Variants in SOBP observed in about 807,000 individuals in gnomAD.
The protein encoded by SOBP is sine oculis-binding protein homolog.
Under a neutral mutation model 53.6 loss-of-function variants are expected in SOBP, and 4 were observed. The observed-to-expected ratio is 0.07, with a 90% confidence interval of 0.04 to 0.17. The LOEUF (loss-of-function observed/expected upper bound fraction) is 0.17. Among genes scored for constraint, SOBP ranks in the 10% least tolerant of loss-of-function variants. SOBP has a pLI of 1.00. For synonymous variants in SOBP, 584 were observed against 522.6 expected (o/e 1.12, Z -1.60); for missense variants, 1,088 against 1,204.7 (o/e 0.90, Z 1.43).
intron 5 of SOBP, among the ~76,000 whole-genome samples, chr6:107,616,300 T>C (rs1786790397): frequency 6.6e-6 from 1 of 152,220 alleles, no homozygotes; most frequent in East Asian, 1.9e-4. Context: ...CCAGCCCTGA[T>C]GGCACCATGC....
At chr6:107,504,878 T>A (rs1782938362) in intron 2 of SOBP, among the ~76,000 whole-genome samples, 1 of 152,236 alleles carries the variant, frequency 6.6e-6, no homozygotes, top group Admixed American at 6.5e-5. Flanking sequence ...AGTCATGAGT[T>A]TGTATTCTAT....
intron 4 of SOBP, among the ~76,000 whole-genome samples, chr6:107,553,163 A>G (rs1453762879): frequency 6.6e-6 from 1 of 151,968 alleles, no homozygotes. Context: ...TGTTTGAATC[A>G]TGGCCTTCTT....
rs377645562 is a variant in SOBP, at chr6:107,656,174, C to T, written c.*4-2033C>T. On this transcript the variant is annotated intron_variant, in intron 6 of 6. Coordinates refer to ENST00000317357, the MANE Select transcript of SOBP (RefSeq NM_018013.4). ...AGTGACCCCGGTGTCTTTGGATCCACTTGTCATCTCTGCAGCTCCTCAATT... is the reference window on the plus strand; with the variant it reads ...AGTGACCCCGGTGTCTTTGGATCCATTTGTCATCTCTGCAGCTCCTCAATT... Among the ~76,000 whole-genome samples, 20 of 152,276 alleles carry T rather than the reference C, an allele frequency of 1.3e-4. No individual in the cohort carries two copies. In the East Asian group the frequency reaches 3.3e-3, roughly 25 times the overall value.
intron 4 of SOBP, among the ~76,000 whole-genome samples, chr6:107,551,602 G>C (rs1380858249): frequency 6.6e-6 from 1 of 151,890 alleles, no homozygotes; most frequent in Non-Finnish European, 1.5e-5. Context: ...AAAATATCTG[G>C]GTTTTAGAAT....
intron 1 of SOBP, among the ~76,000 whole-genome samples, chr6:107,494,953 TAA>T (rs1445601175): frequency 2.0e-5 from 3 of 151,296 alleles, no homozygotes; most frequent in South Asian, 2.1e-4. Context: ...AGCTTGATTT[TAA>T]GAGAGAGAGA....
intron 4 of SOBP, among the ~76,000 whole-genome samples, chr6:107,564,709 C>T (rs1784868676): frequency 6.6e-6 from 1 of 152,218 alleles, no homozygotes; most frequent in East Asian, 1.9e-4. Flanking sequence ...GAGCTCTATG[C>T]TTTCAGGCCG....
At chr6:107,588,615 T>G (rs1449202221) in intron 5 of SOBP, among the ~76,000 whole-genome samples, 1 of 152,218 alleles carries the variant, frequency 6.6e-6, no homozygotes, top group African/African-American at 2.4e-5. Context: ...TTGGGGTAGC[T>G]TACTTCTTTT....
chr6:107,500,714 ATG>A, intron 1 of SOBP, among the ~76,000 whole-genome samples: 1 of 143,088 alleles, frequency 7.0e-6, no homozygotes, highest in Admixed American at 7.5e-5. Context: ...TTAGAGACGG[ATG>A]GGGTTTCACC....
At chr6:107,616,032 A>G (rs1451218374) in intron 5 of SOBP, among the ~76,000 whole-genome samples, 2 of 141,864 alleles carry the variant, frequency 1.4e-5, no homozygotes, top group East Asian at 2.1e-4. Context: ...CTGGGCAAAA[A>G]AAAGAAAAAA....
chr6:107,539,435 T>C (rs1301092158), intron 4 of SOBP, among the ~76,000 whole-genome samples: 1 of 152,242 alleles, frequency 6.6e-6, no homozygotes, highest in Non-Finnish European at 1.5e-5. Context: ...TATTGACATA[T>C]ATGCTGGAAT....
rs1363066129 is a variant in SOBP, at chr6:107,490,390, C to T, written c.-227C>T. The T allele has an allele frequency of 2.5e-5, 9 of 364,900 alleles. No individual in the cohort carries two copies. The highest frequency in any genetic ancestry group is 4.5e-5 in the Non-Finnish European group (9 of 198,070). The allele number at this position is 364,900 out of a possible 1,614,324, so 22.6% of individuals were successfully genotyped here. Reference sequence around the variant, plus strand: ...ACGGCGGCGGCATCCCCGAGACTCTCCGCACTATCCTTACCCGTGACAGCC... The same window carrying T: ...ACGGCGGCGGCATCCCCGAGACTCTTCGCACTATCCTTACCCGTGACAGCC... On this transcript the variant is annotated 5_prime_UTR_variant, in exon 1 of 7. Transcript: ENST00000317357.
Position 107,567,091 on chromosome 6 carries a change from G to A in SOBP, c.574-19989G>A, listed in dbSNP as rs548024071. 5.9e-5 allele frequency among the ~76,000 whole-genome samples: 9 copies of A among 152,306 alleles called. No homozygotes were observed. In the South Asian group the frequency reaches 1.7e-3, roughly 28 times the overall value. ...AAGCACTATGCTGGACATCAAGGGT[G>A]ATCAAAAGTGCTGAGTCTTTCCTGT... On this transcript the variant is annotated intron_variant, in intron 4 of 6. Coordinates refer to ENST00000317357, the MANE Select transcript of SOBP (RefSeq NM_018013.4).
chr6:107,571,857 C>T (rs756700163), intron 4 of SOBP, among the ~76,000 whole-genome samples: 4 of 152,130 alleles, frequency 2.6e-5, no homozygotes, highest in African/African-American at 4.8e-5. Context: ...GATTCTAGTG[C>T]ACAGGAAGGC....
chr6:107,632,760 AG>A (rs1436321002), intron 5 of SOBP, among the ~76,000 whole-genome samples: 6 of 152,174 alleles, frequency 3.9e-5, no homozygotes, highest in Non-Finnish European at 5.9e-5. Context: ...GTAGATTTGA[AG>A]GGGGGAAAAA....
In SOBP at chr6:107,605,832, C is replaced by A. The variant is rs970879686; in HGVS notation, c.669+18657C>A. ...GGCCCCTGTTAAGCATGGAGAATCCCAGGTCCCACCCAGACCTCCTGAATC... is the reference window on the plus strand; with the variant it reads ...GGCCCCTGTTAAGCATGGAGAATCCAAGGTCCCACCCAGACCTCCTGAATC... On this transcript the variant is annotated intron_variant, in intron 5 of 6. Transcript: ENST00000317357. Among the ~76,000 whole-genome samples the A allele has an allele frequency of 3.9e-5, 6 of 152,184 alleles. No individual in the cohort carries two copies. In the East Asian group the frequency reaches 1.2e-3, roughly 29 times the overall value.
intron 1 of SOBP, among the ~76,000 whole-genome samples, chr6:107,494,978 C>T (rs903741624): frequency 7.9e-5 from 12 of 152,254 alleles, no homozygotes; most frequent in African/African-American, 2.4e-4. Context: ...GAAATCAGAG[C>T]ATGGACTGGA....
At chr6:107,564,406 T>C (rs1784859136) in intron 4 of SOBP, among the ~76,000 whole-genome samples, 1 of 152,240 alleles carries the variant, frequency 6.6e-6, no homozygotes, top group Admixed American at 6.5e-5. Context: ...AGCTGTGTTT[T>C]AATAAGGGCT....
At chr6:107,623,418 C>T (rs1488840212) in intron 5 of SOBP, among the ~76,000 whole-genome samples, 3 of 152,040 alleles carry the variant, frequency 2.0e-5, no homozygotes, top group Admixed American at 6.6e-5. Context: ...AGGCAGGGCT[C>T]GGCAAATTTT....
At chr6:107,503,195 G>A (rs541504645) in intron 1 of SOBP, among the ~76,000 whole-genome samples, 6 of 152,180 alleles carry the variant, frequency 3.9e-5, no homozygotes, top group East Asian at 3.8e-4. Context: ...CGTTATCCGC[G>A]ATAAGAGTTA....
Sources: gnomAD v4.1 joint callset for allele counts (sites outside exome capture counted in the v4.1 genomes callset) on GRCh38, gnomAD v4.1.1 for gene constraint, MANE v1.5 for transcripts, NCBI Gene and HGNC (gene_info 2026-07-23, HGNC 2026-07-21) for gene names.